The following EFCAB12 variants were observed in gnomAD, a reference collection of about 807,000 sequenced individuals.
EFCAB12 encodes the protein EF-hand calcium-binding domain-containing protein 12.
EFCAB12 carries 43 observed loss-of-function variants against 53.6 expected under a neutral mutation model. The observed-to-expected ratio is 0.80, with a 90% CI of 0.63 to 1.03. EFCAB12 has a LOEUF of 1.03. EFCAB12 is among the 50% of genes least tolerant of loss of function. The probability of loss-of-function intolerance (pLI) is 0.00; values close to 1 mark genes in which losing one functional copy is unlikely to be tolerated. For missense variants in EFCAB12, 646 were observed against 730.6 expected, an observed-to-expected ratio of 0.88 and a Z score of 1.34; for synonymous variants, 269 against 289.2, an observed-to-expected ratio of 0.93 and a Z score of 0.71.
At position 129,401,828 on chromosome 3, in the gene EFCAB12, C is replaced by G; in HGVS notation, c.1484G>C (p.Ser495Thr). 1.2e-6 allele frequency: 2 copies of G among 1,612,812 alleles called. No individual in the cohort carries two copies. The highest frequency in any genetic ancestry group is 8.5e-7 in the Non-Finnish European group (1 of 1,179,104). Residue 495 changes from serine to threonine, a missense_variant, in exon 9 of 9, where the codon AGT (serine) becomes ACT (threonine). Transcript: ENST00000505956. ...FTRKLKVKRSSGLQQTHPNSF... is the reference protein window; with the variant it reads ...FTRKLKVKRSTGLQQTHPNSF... ...ATTGGGGTGTGTTTGCTGCAGACCA[C>G]TGGACCTCTTCACCTTCAGCTTCCT...
Position 129,402,568 on chromosome 3 carries a change from T to C in EFCAB12, c.1415A>G (p.Lys472Arg). The change falls in exon 8 of 9, where the codon AAG (lysine) becomes AGG (arginine). Residue 472 changes from lysine (K) to arginine (R), a missense_variant. Lys to Arg is a conservative substitution (Grantham distance 26). Transcript: ENST00000505956. ...CTTAAAGCGCATTTTCTTGCTTTTC[T>C]TTGGCGTTTTCCTAGTGGAGAAGAG... ...KSKRTDKKTP[K>R]KSKKMRFKEF... is the part of the protein sequence containing the mutation. 6.2e-7 allele frequency: 1 copy of C among 1,612,932 alleles called. No homozygotes were observed. The highest frequency in any genetic ancestry group is 1.1e-5 in the South Asian group (1 of 90,790).
At position 129,418,345 on chromosome 3, in the gene EFCAB12, C is replaced by A; in HGVS notation, c.590G>T (p.Arg197Leu). 6 of 1,613,730 alleles carry A rather than the reference C, an allele frequency of 3.7e-6. No individual in the cohort carries two copies. The highest frequency in any genetic ancestry group is 2.2e-5 in the East Asian group (1 of 44,884). ...LSVMYSYLHS[R>L]KIKILEIFHK... ...AAATATCTCCAGGATCTTGATCTTG[C>A]GGCTATGCAGGTAGGAGTACATGAC... Residue 197 changes from arginine to leucine, a missense_variant, in exon 3 of 9, where the codon CGC becomes CTC. Physicochemically the swap from Arg to Leu is moderately radical, Grantham distance 102. Coordinates refer to ENST00000505956, the MANE Select transcript of EFCAB12 (RefSeq NM_207307.3).
intron 4 of EFCAB12, chr3:129,412,546 A>G (rs1684281922): frequency 6.6e-6 from 1 of 152,342 alleles, no homozygotes; most frequent in African/African-American, 2.4e-5. Flanking sequence ...CAAAACCCAG[A>G]GTCCTCTCCC....
chr3:129,423,161 TTGTC>T (rs1465500869), intron 1 of EFCAB12, among the ~76,000 whole-genome samples: 20 of 152,330 alleles, frequency 1.3e-4, no homozygotes, highest in Non-Finnish European at 5.9e-5. Flanking sequence ...GAACTTCAGT[TTGTC>T]TGGCCCCAGA....
At chr3:129,404,139 G>A in intron 7 of EFCAB12, 111 bp downstream of exon 7, 1 of 1,429,952 alleles carries the variant, frequency 7.0e-7, no homozygotes, top group Non-Finnish European at 9.5e-7. Flanking sequence ...CTAGGATGCA[G>A]ACGCAAGCAC....
In EFCAB12 at chr3:129,418,242, G is replaced by A; in HGVS notation, c.681+12C>T. Reference sequence around the variant, plus strand: ...CACTTAGGCCCATCCAGAGAAAGCAGGTGGCACTTACTGCCTTTACAGCCG... The same window carrying A: ...CACTTAGGCCCATCCAGAGAAAGCAAGTGGCACTTACTGCCTTTACAGCCG... On this transcript the variant is annotated intron_variant, in intron 3 of 8. Coordinates refer to ENST00000505956, the MANE Select transcript of EFCAB12 (RefSeq NM_207307.3). 1 of 1,599,654 alleles carries A rather than the reference G, an allele frequency of 6.3e-7. No homozygotes were observed.
At chr3:129,428,204 G>A (rs1444805536) in intron 1 of EFCAB12, among the ~76,000 whole-genome samples, 2 of 152,202 alleles carry the variant, frequency 1.3e-5, no homozygotes, top group Non-Finnish European at 2.9e-5. Flanking sequence ...TTAATGTCCT[G>A]CAGAGAAACA....
chr3:129,417,331 A>C (rs1437324319), intron 3 of EFCAB12, among the ~76,000 whole-genome samples: 2,389 of 135,508 alleles, frequency 0.018, 69 homozygotes, highest in African/African-American at 0.061. Context: ...CTCAAAAAAA[A>C]AAAAAAAACC....
At chr3:129,415,496 T>A in intron 3 of EFCAB12, 95 bp from the exon 4 acceptor site, 2 of 1,490,976 alleles carry the variant, frequency 1.3e-6, no homozygotes, top group Admixed American at 2.2e-5. Flanking sequence ...ACCCCCATCC[T>A]GCTTCCAGTT....
At chr3:129,428,051 T>A (rs1042241015) in intron 1 of EFCAB12, among the ~76,000 whole-genome samples, 1 of 152,134 alleles carries the variant, frequency 6.6e-6, no homozygotes, top group Non-Finnish European at 1.5e-5. Flanking sequence ...ATTTACCCCT[T>A]CTTATTCTGT....
intron 1 of EFCAB12, 23 bp downstream of exon 1, chr3:129,428,417 A>G: frequency 1.3e-6 from 2 of 1,598,478 alleles, no homozygotes; most frequent in Non-Finnish European, 1.7e-6. Flanking sequence ...CGCTCCCTGC[A>G]GACGCTTCTT....
rs186654388 is a variant in EFCAB12 at position 129,421,793 on chromosome 3, C to T, written c.60G>A (p.Pro20=). 1,048 of 1,611,484 alleles carry T rather than the reference C, an allele frequency of 6.5e-4. 8 individuals carry two copies. In the South Asian group the frequency reaches 9.7e-3, roughly 15 times the overall value. Residue 20 remains proline, a synonymous_variant, in exon 2 of 9, where the codon CCG becomes CCA. Coordinates refer to ENST00000505956, the MANE Select transcript of EFCAB12 (RefSeq NM_207307.3). ...CATTTTCATTGATGGGAGTCTTAGA[C>T]GGGCAGAGTCCTTGGGGTAAGAGAG... ...SLFLSLLGLC[P]SKTPINENAP...
intron 1 of EFCAB12, among the ~76,000 whole-genome samples, chr3:129,425,326 T>C (rs1200460527): frequency 3.9e-5 from 6 of 152,062 alleles, no homozygotes; most frequent in African/African-American, 1.4e-4. Flanking sequence ...TTTGAATAAA[T>C]ACCCGCCTCC....
chr3:129,404,483 T>A, intron 6 of EFCAB12, 80 bp from the exon 7 acceptor site: 1 of 1,332,058 alleles, frequency 7.5e-7, no homozygotes, highest in Non-Finnish European at 9.7e-7. Flanking sequence ...TCAGAGGAGG[T>A]GTTTTTTTTT....
intron 8 of EFCAB12, among the ~76,000 whole-genome samples, chr3:129,402,062 C>G (rs903474118): frequency 6.6e-6 from 1 of 152,246 alleles, no homozygotes; most frequent in African/African-American, 2.4e-5. Context: ...GAGGCCGTCG[C>G]ACACTGAGCA....
rs376904881 is a variant in EFCAB12, at chr3:129,409,986, T to TTA, written c.1036-1130_1036-1129dup. Among the ~76,000 whole-genome samples, 462 of 151,966 alleles carry TTA rather than the reference T, an allele frequency of 3.0e-3. 1 individual carries two copies. The highest frequency in any genetic ancestry group is 9.8e-3 in the African/African-American group (406 of 41,516). On this transcript the variant is annotated intron_variant, in intron 5 of 8. Transcript: ENST00000505956. ...TATAAATACAAATATGTATTTTTAA[T>TTA]TATATATATATTTGTGTTTATTTAT...
intron 4 of EFCAB12, chr3:129,411,866 G>A (rs2072045425): frequency 6.5e-6 from 1 of 152,970 alleles, no homozygotes; most frequent in African/African-American, 2.4e-5. Context: ...GGGACCTGGA[G>A]GTTGCAGTGA....
intron 6 of EFCAB12, among the ~76,000 whole-genome samples, chr3:129,408,390 C>T (rs2071981031): frequency 6.6e-6 from 1 of 152,186 alleles, no homozygotes; most frequent in Non-Finnish European, 1.5e-5. Flanking sequence ...CTCAGGGTTC[C>T]AGAATCCAGA....
chr3:129,419,306 C>T (rs566436406), intron 2 of EFCAB12, among the ~76,000 whole-genome samples: 3 of 152,078 alleles, frequency 2.0e-5, no homozygotes, highest in Non-Finnish European at 2.9e-5. Context: ...AGTGTGGTCC[C>T]GTGGACCACT....
Sources: gnomAD v4.1 joint callset for allele counts (sites outside exome capture counted in the v4.1 genomes callset) on GRCh38, gnomAD v4.1.1 for gene constraint, MANE v1.5 for transcripts, NCBI Gene and HGNC (gene_info 2026-07-23, HGNC 2026-07-21) for gene names.